SPAST: variants seen among roughly 807,000 people sequenced by gnomAD.
SPAST encodes the protein spastic paraplegia 4 (autosomal dominant; spastin).
SPAST carries 30 observed loss-of-function variants against 76.6 expected under a neutral mutation model. That is an observed-to-expected ratio of 0.39 (90% confidence interval 0.29 to 0.53). The LOEUF (loss-of-function observed/expected upper bound fraction) is 0.53, where lower values mean the gene tolerates loss of function less well. Ranked by LOEUF, SPAST falls within the 20% of genes least tolerant of loss-of-function variation. SPAST has a pLI of 0.68. For missense variants in SPAST, 717 were observed against 770.5 expected (o/e 0.93, Z 0.82); for synonymous variants, 305 against 281.0 (o/e 1.09, Z -0.86).
chr2:32,134,463 C>CA (rs140856561), intron 9 of SPAST, among the ~76,000 whole-genome samples: 63,781 of 146,828 alleles, frequency 0.43, 14,182 homozygotes, highest in Non-Finnish European at 0.49. Flanking sequence ...GACTCCATCT[C>CA]AAAAAAAAAA....
intron 2 of SPAST, among the ~76,000 whole-genome samples, chr2:32,088,732 T>C (rs903182278): frequency 2.0e-5 from 3 of 152,200 alleles, no homozygotes; most frequent in Non-Finnish European, 4.4e-5. Context: ...TTAATTAAAG[T>C]ATGATATATG....
chr2:32,115,927 C>T (rs1175673038), intron 6 of SPAST, 92 bp downstream of exon 6: 1 of 1,083,452 alleles, frequency 9.2e-7, no homozygotes, highest in African/African-American at 1.6e-5. Context: ...ATAATAAATA[C>T]CTTGTCTGGT....
At chr2:32,134,134 C>T (rs1460230185) in intron 9 of SPAST, among the ~76,000 whole-genome samples, 1 of 152,136 alleles carries the variant, frequency 6.6e-6, no homozygotes, top group Non-Finnish European at 1.5e-5. Flanking sequence ...CTCCTGGGCT[C>T]AAGTGATCCT....
chr2:32,140,962 T>A (rs1418468970), intron 12 of SPAST, among the ~76,000 whole-genome samples: 3 of 143,002 alleles, frequency 2.1e-5, no homozygotes, highest in Non-Finnish European at 4.6e-5. Context: ...TTTTTTTTTT[T>A]AAATGAGCCC....
chr2:32,120,594 A>T (rs1678985927), intron 7 of SPAST, among the ~76,000 whole-genome samples: 4 of 130,738 alleles, frequency 3.1e-5, no homozygotes, highest in Non-Finnish European at 1.6e-5. Flanking sequence ...TTTTTTTCCC[A>T]GAATACCTTT....
chr2:32,065,531 AC>A (rs1470573435), intron 1 of SPAST, among the ~76,000 whole-genome samples: 2 of 152,184 alleles, frequency 1.3e-5, no homozygotes, highest in Non-Finnish European at 2.9e-5. Context: ...GTTATTCCAA[AC>A]CTGTGCTAAT....
chr2:32,128,588 T>C (rs1679274468), intron 9 of SPAST, 109 bp downstream of exon 9: 1 of 741,464 alleles, frequency 1.3e-6, no homozygotes. Context: ...GGAGCTTATC[T>C]ATTGTATCTA....
intron 1 of SPAST, chr2:32,077,912 C>T (rs1324144417): frequency 6.6e-6 from 1 of 152,138 alleles, no homozygotes; most frequent in African/African-American, 2.4e-5. Flanking sequence ...GCAGGAGGAT[C>T]ACTTGAAGCC....
intron 4 of SPAST, among the ~76,000 whole-genome samples, chr2:32,100,964 G>A (rs992721187): frequency 6.6e-6 from 1 of 152,130 alleles, no homozygotes; most frequent in Non-Finnish European, 1.5e-5. Flanking sequence ...ATAATCCTTT[G>A]GGTATATACC....
At chr2:32,064,281 C>A in intron 1 of SPAST, 35 bp downstream of exon 1, 1 of 325,576 alleles carries the variant, frequency 3.1e-6, no homozygotes, top group South Asian at 5.0e-5. Context: ...GCGGCGGCGC[C>A]GGGAAGAAGG....
At chr2:32,101,436 T>C (rs1321408565) in intron 4 of SPAST, among the ~76,000 whole-genome samples, 3 of 151,924 alleles carry the variant, frequency 2.0e-5, no homozygotes, top group African/African-American at 7.2e-5. Context: ...GATGGTAGTT[T>C]CTTTTGCTGT....
At chr2:32,072,657 TATC>T (rs1168588361) in intron 1 of SPAST, among the ~76,000 whole-genome samples, 4 of 152,176 alleles carry the variant, frequency 2.6e-5, no homozygotes, top group African/African-American at 2.4e-5. Flanking sequence ...TAATGAAAAT[TATC>T]ATATTTCATA....
At chr2:32,126,784 C>A (rs1038239645) in intron 7 of SPAST, 164 bp from the exon 8 acceptor site, 1 of 590,936 alleles carries the variant, frequency 1.7e-6, no homozygotes, top group Non-Finnish European at 3.0e-6. Context: ...CCACACCCAG[C>A]TGTTTTTAAT....
intron 12 of SPAST, among the ~76,000 whole-genome samples, chr2:32,139,846 AAAAAG>A (rs1415599958): frequency 1.3e-5 from 2 of 151,956 alleles, no homozygotes; most frequent in East Asian, 3.9e-4. Flanking sequence ...TTAAAAAAAA[AAAAAG>A]AAAAAAAAAA....
chr2:32,101,245 T>C (rs1678110364), intron 4 of SPAST, among the ~76,000 whole-genome samples: 1 of 152,246 alleles, frequency 6.6e-6, no homozygotes, highest in African/African-American at 2.4e-5. Context: ...GTCTTTTGGC[T>C]GCATAAATGT....
chr2:32,137,012 A>ATATG (rs386389862), intron 11 of SPAST, 44 bp downstream of exon 11: 1 of 1,531,348 alleles, frequency 6.5e-7, no homozygotes, highest in African/African-American at 1.4e-5. Context: ...GCATTTTAGT[A>ATATG]TATTTTCCTA....
intron 4 of SPAST, among the ~76,000 whole-genome samples, chr2:32,105,680 C>T (rs1374929704): frequency 2.0e-5 from 3 of 152,172 alleles, no homozygotes; most frequent in Admixed American, 2.0e-4. Flanking sequence ...CCTTCTAACA[C>T]TCAGGACCCT....
At chr2:32,090,649 G>A (rs933920215) in intron 3 of SPAST, among the ~76,000 whole-genome samples, 1 of 152,088 alleles carries the variant, frequency 6.6e-6, no homozygotes, top group African/African-American at 2.4e-5. Context: ...AGATCCGTAT[G>A]TCTCTTTTAA....
At chr2:32,134,365 G>A (rs1679466512) in intron 9 of SPAST, among the ~76,000 whole-genome samples, 1 of 152,024 alleles carries the variant, frequency 6.6e-6, no homozygotes, top group Non-Finnish European at 1.5e-5. Context: ...AGCGGGGTGT[G>A]GTGGCAGGCG....
Sources: gnomAD v4.1 joint callset for allele counts (sites outside exome capture counted in the v4.1 genomes callset) on GRCh38, gnomAD v4.1.1 for gene constraint, MANE v1.5 for transcripts, NCBI Gene and HGNC (gene_info 2026-07-23, HGNC 2026-07-21) for gene names.